Variants in CADPS observed in about 807,000 individuals in gnomAD.
CADPS encodes calcium dependent secretion activator.
CADPS carries 57 observed loss-of-function variants against 167.3 expected under a neutral mutation model. The observed-to-expected ratio is 0.34, with a 90% CI of 0.28 to 0.42. CADPS has a LOEUF of 0.42. Among genes scored for constraint, CADPS ranks in the 20% least tolerant of loss-of-function variants. The pLI is 1.00. For synonymous variants in CADPS, 676 were observed against 635.3 expected (o/e 1.06, Z -0.96); for missense variants, 1,414 against 1,738.1 (o/e 0.81, Z 3.32).
chr3:62,718,133 C>A (rs1401861780), intron 3 of CADPS, among the ~76,000 whole-genome samples: 1 of 152,064 alleles, frequency 6.6e-6, no homozygotes, highest in African/African-American at 2.4e-5. Context: ...GCCCTTACTA[C>A]CATCTGCAAT....
intron 11 of CADPS, among the ~76,000 whole-genome samples, chr3:62,546,551 G>T (rs1237246691): frequency 1.3e-5 from 2 of 152,108 alleles, no homozygotes; most frequent in South Asian, 4.1e-4. Context: ...CCATTCTGTG[G>T]CTTACTCCAC....
At chr3:62,564,891 C>T (rs1224320384) in intron 9 of CADPS, among the ~76,000 whole-genome samples, 1 of 152,086 alleles carries the variant, frequency 6.6e-6, no homozygotes, top group Non-Finnish European at 1.5e-5. Context: ...AGGCATGAGC[C>T]ACCATGTCTG....
intron 3 of CADPS, among the ~76,000 whole-genome samples, chr3:62,673,336 G>A (rs2150841369): frequency 6.6e-6 from 1 of 152,296 alleles, no homozygotes; most frequent in South Asian, 2.1e-4. Context: ...AAATCTGAAT[G>A]CAAATGGTTT....
chr3:62,405,765 T>A (rs957188185), intron 28 of CADPS, among the ~76,000 whole-genome samples: 1 of 152,130 alleles, frequency 6.6e-6, no homozygotes, highest in Non-Finnish European at 1.5e-5. Flanking sequence ...TGGCTACACA[T>A]TTAAAGAGGC....
At chr3:62,554,435 C>T (rs190873318) in intron 10 of CADPS, among the ~76,000 whole-genome samples, 1 of 152,226 alleles carries the variant, frequency 6.6e-6, no homozygotes, top group East Asian at 1.9e-4. Context: ...GAGCAACAGG[C>T]CACAAGGGTT....
At chr3:62,558,197 G>A (rs9828576) in intron 9 of CADPS, among the ~76,000 whole-genome samples, 44 of 152,214 alleles carry the variant, frequency 2.9e-4, no homozygotes, top group African/African-American at 1.1e-3. Context: ...CTAGGTGCCA[G>A]TCACAGTAGA....
intron 12 of CADPS, chr3:62,536,058 T>C (rs1308467032): frequency 6.0e-6 from 1 of 166,550 alleles, no homozygotes; most frequent in Non-Finnish European, 1.3e-5. Context: ...AATACATTCA[T>C]GTAATGAGAT....
At chr3:62,618,104 A>C (rs146021926) in intron 6 of CADPS, among the ~76,000 whole-genome samples, 134 of 152,226 alleles carry the variant, frequency 8.8e-4, no homozygotes, top group African/African-American at 2.9e-3. Context: ...CACAAAATTT[A>C]GGCTGAAACC....
chr3:62,673,693 G>A (rs908264725), intron 3 of CADPS, among the ~76,000 whole-genome samples: 7 of 152,088 alleles, frequency 4.6e-5, no homozygotes, highest in South Asian at 2.1e-4. Flanking sequence ...ATTGCCATTC[G>A]TTTTTCAATT....
intron 1 of CADPS, among the ~76,000 whole-genome samples, chr3:62,823,995 G>T (rs943691779): frequency 1.3e-4 from 19 of 151,996 alleles, no homozygotes; most frequent in Non-Finnish European, 2.5e-4. Context: ...CTCTTTGCAG[G>T]CATTACATAA....
intron 3 of CADPS, among the ~76,000 whole-genome samples, chr3:62,725,172 T>C (rs2076510057): frequency 7.0e-6 from 1 of 142,664 alleles, no homozygotes; most frequent in Non-Finnish European, 1.5e-5. Context: ...AAATCTAAAA[T>C]CTAGTAGAAC....
intron 11 of CADPS, among the ~76,000 whole-genome samples, chr3:62,537,506 C>A (rs1470508764): frequency 6.6e-6 from 1 of 152,146 alleles, no homozygotes; most frequent in Non-Finnish European, 1.5e-5. Flanking sequence ...GAAATTGGCT[C>A]ACTCCACCTC....
intron 1 of CADPS, among the ~76,000 whole-genome samples, chr3:62,801,164 C>T (rs1265560437): frequency 1.3e-5 from 2 of 152,056 alleles, no homozygotes; most frequent in East Asian, 3.9e-4. Flanking sequence ...ACAGATAGTG[C>T]TTCAAGAACA....
intron 2 of CADPS, 76 bp downstream of exon 2, chr3:62,765,795 C>A: frequency 1.2e-6 from 1 of 854,896 alleles, no homozygotes; most frequent in Non-Finnish European, 1.9e-6. Flanking sequence ...ACGACTGTCC[C>A]CATTGCCCTG....
intron 17 of CADPS, among the ~76,000 whole-genome samples, chr3:62,501,930 C>T (rs572064969): frequency 6.6e-6 from 1 of 152,236 alleles, no homozygotes; most frequent in South Asian, 2.1e-4. Context: ...TATGTGTATG[C>T]CTGATGTATA....
At chr3:62,763,599 G>T (rs1241240666) in intron 2 of CADPS, among the ~76,000 whole-genome samples, 1 of 152,178 alleles carries the variant, frequency 6.6e-6, no homozygotes, top group African/African-American at 2.4e-5. Context: ...CCAGAGTTGG[G>T]TACAGGAAGA....
At chr3:62,873,787 G>A (rs918980354) in intron 1 of CADPS, among the ~76,000 whole-genome samples, 14 of 152,090 alleles carry the variant, frequency 9.2e-5, no homozygotes, top group African/African-American at 2.9e-4. Flanking sequence ...AGAAGGTGGC[G>A]GCGAAGTCAC....
chr3:62,738,437 A>T (rs995648827), intron 3 of CADPS, among the ~76,000 whole-genome samples: 2 of 151,686 alleles, frequency 1.3e-5, no homozygotes, highest in Non-Finnish European at 2.9e-5. Flanking sequence ...TTAAAAAAAA[A>T]TTGATGCATT....
Position 62,688,211 on chromosome 3 carries a change from A to G in CADPS, c.889-25817T>C, listed in dbSNP as rs145481611. ...TAGCAGCCTACTTGGCCACTACCCA[A>G]TGTAAACCAGTAGCTTTCTTTCCCC... On this transcript the variant is annotated intron_variant, in intron 3 of 29. Transcript: ENST00000383710. 9.3e-5 allele frequency among the ~76,000 whole-genome samples: 14 copies of G among 150,222 alleles called. No homozygotes were observed. In the East Asian group the frequency reaches 1.2e-3, roughly 13 times the overall value.
Sources: gnomAD v4.1 joint callset for allele counts (sites outside exome capture counted in the v4.1 genomes callset) on GRCh38, gnomAD v4.1.1 for gene constraint, MANE v1.5 for transcripts, NCBI Gene and HGNC (gene_info 2026-07-23, HGNC 2026-07-21) for gene names.